ATG10: variants seen among roughly 807,000 people sequenced by gnomAD.
The protein encoded by ATG10 is ubiquitin-like-conjugating enzyme ATG10.
Under a neutral mutation model 32.1 loss-of-function variants are expected in ATG10, and 30 were observed. The ratio of observed to expected loss-of-function variants is 0.94; its 90% CI spans 0.70 to 1.27. The LOEUF (loss-of-function observed/expected upper bound fraction) is 1.27. Ranked by LOEUF, ATG10 falls within the 50% of genes most tolerant of loss-of-function variation. The probability of loss-of-function intolerance (pLI) is 0.00; values close to 1 mark genes in which losing one functional copy is unlikely to be tolerated. For synonymous variants in ATG10, 87 were observed against 91.5 expected (o/e 0.95, Z 0.28); for missense variants, 233 against 262.3 (o/e 0.89, Z 0.77).
At chr5:82,056,449 T>TG (rs1214545683) in intron 2 of ATG10, among the ~76,000 whole-genome samples, 1 of 151,252 alleles carries the variant, frequency 6.6e-6, no homozygotes, top group Non-Finnish European at 1.5e-5. Context: ...TTTTTTTTTT[T>TG]GTGGTCTGTC....
intron 3 of ATG10, among the ~76,000 whole-genome samples, chr5:82,060,678 A>G (rs1170614632): frequency 6.6e-6 from 1 of 152,160 alleles, no homozygotes; most frequent in Non-Finnish European, 1.5e-5. Context: ...AGCCTGGTCA[A>G]CATGGTGAAA....
At chr5:82,184,681 A>G (rs1744379248) in intron 5 of ATG10, among the ~76,000 whole-genome samples, 1 of 152,188 alleles carries the variant, frequency 6.6e-6, no homozygotes, top group Non-Finnish European at 1.5e-5. Flanking sequence ...TTATAGCTGC[A>G]TTATTAGAGA....
chr5:82,110,872 A>G (rs941854472), intron 3 of ATG10, among the ~76,000 whole-genome samples: 3 of 152,032 alleles, frequency 2.0e-5, no homozygotes, highest in African/African-American at 7.2e-5. Flanking sequence ...CCTTTTACCT[A>G]CATTTATAAA....
At chr5:82,210,966 A>C (rs1260925800) in intron 5 of ATG10, among the ~76,000 whole-genome samples, 1 of 152,314 alleles carries the variant, frequency 6.6e-6, no homozygotes, top group East Asian at 1.9e-4. Context: ...GAACTAGATG[A>C]CATCTAAGTT....
At chr5:82,100,772 GTT>G (rs61096885) in intron 3 of ATG10, among the ~76,000 whole-genome samples, 4,632 of 113,876 alleles carry the variant, frequency 0.041, 79 homozygotes, top group African/African-American at 0.058. Flanking sequence ...ACAAGAACTA[GTT>G]TTTTTTTTTT....
chr5:82,020,471 A>C (rs774826780), intron 2 of ATG10, among the ~76,000 whole-genome samples: 50 of 152,350 alleles, frequency 3.3e-4, no homozygotes, highest in Non-Finnish European at 5.7e-4. Flanking sequence ...ATATTGCTAC[A>C]TAATAAACCA....
intron 3 of ATG10, among the ~76,000 whole-genome samples, chr5:82,060,822 T>C (rs1324267966): frequency 6.6e-6 from 1 of 151,796 alleles, no homozygotes; most frequent in African/African-American, 2.4e-5. Context: ...GATTACATCA[T>C]TGGTGGGTGA....
At chr5:82,022,091 A>G (rs1316825550) in intron 2 of ATG10, among the ~76,000 whole-genome samples, 1 of 149,478 alleles carries the variant, frequency 6.7e-6, no homozygotes, top group Non-Finnish European at 1.5e-5. Flanking sequence ...CGGGAGGCTG[A>G]GGCAGGAGAA....
intron 3 of ATG10, among the ~76,000 whole-genome samples, chr5:82,086,612 C>G (rs1029765623): frequency 1.3e-4 from 20 of 152,212 alleles, no homozygotes; most frequent in African/African-American, 4.8e-4. Flanking sequence ...GCACATAGTT[C>G]AAGAGACCAA....
chr5:82,236,683 G>T (rs1286192011), intron 5 of ATG10, among the ~76,000 whole-genome samples: 3 of 152,146 alleles, frequency 2.0e-5, no homozygotes, highest in African/African-American at 7.2e-5. Context: ...TGAATTTGAT[G>T]AACTGTCTTT....
chr5:82,090,513 A>G (rs1764846785), intron 3 of ATG10, among the ~76,000 whole-genome samples: 2 of 152,236 alleles, frequency 1.3e-5, no homozygotes, highest in Admixed American at 6.5e-5. Context: ...TTACAAGGTC[A>G]TGTAGTGAAT....
chr5:82,190,772 TC>T (rs1744629721), intron 5 of ATG10, among the ~76,000 whole-genome samples: 1 of 32,020 alleles, frequency 3.1e-5, no homozygotes, highest in Admixed American at 6.0e-4. Flanking sequence ...AGACTCCATC[TC>T]AAAAAAAAAA....
intron 4 of ATG10, among the ~76,000 whole-genome samples, chr5:82,176,268 C>T (rs1448647143): frequency 1.3e-5 from 2 of 152,012 alleles, no homozygotes; most frequent in African/African-American, 2.4e-5. Flanking sequence ...TCAGAGGCAG[C>T]GTGGACCAGC....
intron 2 of ATG10, among the ~76,000 whole-genome samples, chr5:82,011,372 T>A (rs563660499): frequency 6.6e-6 from 1 of 152,328 alleles, no homozygotes; most frequent in East Asian, 1.9e-4. Context: ...CACCATTCTT[T>A]TTGTTCAGGC....
At chr5:81,976,005 CT>C (rs568050352) in intron 1 of ATG10, among the ~76,000 whole-genome samples, 11,786 of 142,824 alleles carry the variant, frequency 0.083, 674 homozygotes, top group African/African-American at 0.18. Flanking sequence ...TTTATTTTAT[CT>C]TTTTTTTTTT....
Position 82,058,974 on chromosome 5 carries a change from T to C in ATG10, c.216+372T>C, listed in dbSNP as rs141927558. 1.4e-3 allele frequency among the ~76,000 whole-genome samples: 216 copies of C among 152,284 alleles called. 1 individual carries two copies. Among genetic ancestry groups the C allele is most frequent in the Middle Eastern group, 3.4e-3 (1 of 294 alleles). On this transcript the variant is annotated intron_variant, in intron 3 of 7. Transcript: ENST00000282185. The stretch of plus-strand genomic sequence containing the variant: ...TGAATACCACAGATGCCTTCTGTTG[T>C]CTATTGATTTTTTTTTCCAAGTAAA...
chr5:81,984,182 CG>C (rs1460587955), intron 1 of ATG10, among the ~76,000 whole-genome samples: 1 of 152,256 alleles, frequency 6.6e-6, no homozygotes, highest in Non-Finnish European at 1.5e-5. Context: ...CCCGGCACCT[CG>C]GGAGGCCGAG....
Position 82,164,425 on chromosome 5 carries a change from T to C in ATG10, c.243T>C (p.Asp81=). The C allele has an allele frequency of 6.2e-7, 1 of 1,614,014 alleles. No homozygotes were observed. The change falls in exon 4 of 8, where the codon GAT becomes GAC. Residue 81 remains aspartate (D), a synonymous_variant. Transcript: ENST00000282185. ...AGGCTTTCGAGCTACCCTTGGATGA[T>C]TGTGAAGTGATTGAAACTGCAGCAG... The part of the protein sequence containing the change: ...MEEAFELPLD[D]CEVIETAAAS...
chr5:82,195,657 T>G (rs1310233107), intron 5 of ATG10, among the ~76,000 whole-genome samples: 3 of 152,224 alleles, frequency 2.0e-5, no homozygotes, highest in Non-Finnish European at 4.4e-5. Context: ...TGCTTATAGC[T>G]TCTTTCATTT....
Sources: allele counts gnomAD v4.1 joint callset (sites outside exome capture counted in the v4.1 genomes callset), GRCh38; gene constraint gnomAD v4.1.1; transcripts MANE v1.5; gene names NCBI Gene and HGNC (gene_info 2026-07-23, HGNC 2026-07-21).